LRRTM3: variants seen among roughly 807,000 people sequenced by gnomAD.
The protein encoded by LRRTM3 is leucine-rich repeat transmembrane neuronal protein 3.
A neutral mutation model predicts 44.7 loss-of-function variants in LRRTM3; 24 were observed. The observed-to-expected ratio is 0.54, with a 90% CI of 0.39 to 0.76. LRRTM3 has a LOEUF of 0.76. Ranked by LOEUF, LRRTM3 falls within the 30% of genes least tolerant of loss-of-function variation. The pLI is 0.00. For synonymous variants in LRRTM3, 277 were observed against 278.7 expected (o/e 0.99, Z 0.06); for missense variants, 587 against 702.2 (o/e 0.84, Z 1.85).
intron 2 of LRRTM3, among the ~76,000 whole-genome samples, chr10:67,076,574 C>T (rs1856763492): frequency 6.6e-6 from 1 of 152,166 alleles, no homozygotes; most frequent in Non-Finnish European, 1.5e-5. Context: ...CTTTTAAAAT[C>T]TAAAAGCGTT....
intron 2 of LRRTM3, among the ~76,000 whole-genome samples, chr10:67,003,578 T>G (rs955633674): frequency 1.3e-5 from 2 of 152,202 alleles, no homozygotes; most frequent in Non-Finnish European, 2.9e-5. Flanking sequence ...AAAGAAATAT[T>G]TTATCTACAT....
At chr10:67,005,154 G>A (rs1434661135) in intron 2 of LRRTM3, among the ~76,000 whole-genome samples, 1 of 152,012 alleles carries the variant, frequency 6.6e-6, no homozygotes, top group African/African-American at 2.4e-5. Context: ...TTAAAAAGTG[G>A]TTTCTTGACA....
At chr10:66,982,590 G>A (rs1850502839) in intron 2 of LRRTM3, among the ~76,000 whole-genome samples, 1 of 152,100 alleles carries the variant, frequency 6.6e-6, no homozygotes, top group Non-Finnish European at 1.5e-5. Flanking sequence ...GAATAAAACA[G>A]TAGGTACTGA....
At chr10:67,073,175 G>C (rs548846251) in intron 2 of LRRTM3, among the ~76,000 whole-genome samples, 55 of 152,220 alleles carry the variant, frequency 3.6e-4, no homozygotes, top group African/African-American at 1.3e-3. Context: ...CACAGCTCTA[G>C]GAACTATATC....
chr10:66,934,800 T>A (rs1847599665), intron 2 of LRRTM3, among the ~76,000 whole-genome samples: 1 of 152,154 alleles, frequency 6.6e-6, no homozygotes, highest in Non-Finnish European at 1.5e-5. Context: ...AAATACTACA[T>A]TTAGCAAAGG....
At chr10:66,965,187 A>G (rs894532698) in intron 2 of LRRTM3, among the ~76,000 whole-genome samples, 8 of 152,086 alleles carry the variant, frequency 5.3e-5, no homozygotes, top group African/African-American at 1.9e-4. Context: ...GGATTTAGGT[A>G]CTAGTCTCCT....
chr10:67,010,187 A>G (rs1852231220), intron 2 of LRRTM3, among the ~76,000 whole-genome samples: 1 of 152,186 alleles, frequency 6.6e-6, no homozygotes, highest in Admixed American at 6.5e-5. Flanking sequence ...AAGATTACAC[A>G]TATCATTTAT....
At chr10:67,056,793 G>A (rs1367950217) in intron 2 of LRRTM3, among the ~76,000 whole-genome samples, 2 of 152,168 alleles carry the variant, frequency 1.3e-5, no homozygotes, top group African/African-American at 4.8e-5. Flanking sequence ...ATCTGCTAGA[G>A]CAGGATGAAA....
At chr10:66,937,516 AT>A (rs2132665352) in intron 2 of LRRTM3, among the ~76,000 whole-genome samples, 1 of 152,180 alleles carries the variant, frequency 6.6e-6, no homozygotes. Flanking sequence ...TACACTACCT[AT>A]TTTTATTTTG....
intron 2 of LRRTM3, among the ~76,000 whole-genome samples, chr10:66,937,707 C>T (rs1847785487): frequency 1.3e-5 from 2 of 152,110 alleles, no homozygotes; most frequent in Admixed American, 6.6e-5. Context: ...CATGCTCTAC[C>T]ACTGGCAGGT....
chr10:66,927,978 A>C lies in LRRTM3; in HGVS notation c.1062A>C (p.Ala354=). ...TGCAAGGAGTAAATGTGATCGATGCAGTGAAGAACTACAGCATCTGTGGCA... is the reference window on the plus strand; with the variant it reads ...TGCAAGGAGTAAATGTGATCGATGCCGTGAAGAACTACAGCATCTGTGGCA... The part of the protein sequence containing the change: ...KELQGVNVID[A]VKNYSICGKS... Residue 354 remains alanine, a synonymous_variant, in exon 2 of 3, where the codon GCA becomes GCC. Transcript: ENST00000361320. The surrounding 1 kb of genome is among the most constrained non-coding windows in gnomAD (Gnocchi z 4.7). 1 of 1,614,238 alleles carries C rather than the reference A, an allele frequency of 6.2e-7. No homozygotes were observed. The highest frequency in any genetic ancestry group is 8.5e-7 in the Non-Finnish European group (1 of 1,180,040).
chr10:67,054,166 T>C (rs1396373691), intron 2 of LRRTM3, among the ~76,000 whole-genome samples: 1 of 151,020 alleles, frequency 6.6e-6, no homozygotes, highest in African/African-American at 2.4e-5. Flanking sequence ...AGGAGGTACT[T>C]CAAGATCAGT....
At chr10:67,084,949 G>C (rs966774274) in intron 2 of LRRTM3, among the ~76,000 whole-genome samples, 1 of 151,820 alleles carries the variant, frequency 6.6e-6, no homozygotes, top group Admixed American at 6.6e-5. Flanking sequence ...TTTGTGCCTT[G>C]TATGTTATAA....
At chr10:66,939,407 A>AT (rs1301078502) in intron 2 of LRRTM3, among the ~76,000 whole-genome samples, 1 of 152,220 alleles carries the variant, frequency 6.6e-6, no homozygotes, top group African/African-American at 2.4e-5. Context: ...ACTGAGTTAA[A>AT]AGGAAAATAC....
intron 2 of LRRTM3, among the ~76,000 whole-genome samples, chr10:67,049,433 T>C (rs1854950920): frequency 2.6e-5 from 4 of 152,184 alleles, no homozygotes; most frequent in African/African-American, 9.6e-5. Context: ...CAACTATCAG[T>C]ATAATTATTC....
At chr10:66,958,385 A>C (rs1848940846) in intron 2 of LRRTM3, among the ~76,000 whole-genome samples, 1 of 151,736 alleles carries the variant, frequency 6.6e-6, no homozygotes, top group Non-Finnish European at 1.5e-5. Flanking sequence ...TATTAATAGA[A>C]AGCAGATTTA....
At position 67,101,183 on chromosome 10, in the gene LRRTM3, G is replaced by A. The variant is rs1376672021; in HGVS notation, c.*3387G>A. On this transcript the variant is annotated 3_prime_UTR_variant, in exon 3 of 3. Transcript: ENST00000361320. The stretch of plus-strand genomic sequence containing the variant: ...CAAGATGTGGATGCATGTAGGCCCC[G>A]AGGTACAGACATAAAATCAAGGAAG... Among the ~76,000 whole-genome samples the A allele has an allele frequency of 2.6e-5, 4 of 151,562 alleles. No individual in the cohort carries two copies. Among genetic ancestry groups the A allele is most frequent in the East Asian group, 1.9e-4 (1 of 5,150 alleles).
chr10:66,965,278 T>A (rs1849337948), intron 2 of LRRTM3, among the ~76,000 whole-genome samples: 1 of 152,136 alleles, frequency 6.6e-6, no homozygotes, highest in Non-Finnish European at 1.5e-5. Context: ...GGCTCATGCC[T>A]GTAATCTCAA....
At chr10:67,080,055 A>G (rs1471341043) in intron 2 of LRRTM3, among the ~76,000 whole-genome samples, 1 of 152,170 alleles carries the variant, frequency 6.6e-6, no homozygotes, top group Non-Finnish European at 1.5e-5. Flanking sequence ...TGCAGAATTT[A>G]ACCTGCCTCT....
Sources: gnomAD v4.1 joint callset for allele counts (sites outside exome capture counted in the v4.1 genomes callset) on GRCh38, gnomAD v4.1.1 for gene constraint, Gnocchi (gnomAD v3.1) non-coding constraint, MANE v1.5 for transcripts, NCBI Gene and HGNC (gene_info 2026-07-23, HGNC 2026-07-21) for gene names.